Variants in PRKCE observed in about 807,000 individuals in gnomAD.
PRKCE encodes the protein protein kinase C epsilon, also known as protein kinase C epsilon type.
In PRKCE, 16 loss-of-function variants were observed where a neutral mutation model predicts 85.4. The ratio of observed to expected loss-of-function variants is 0.19; its 90% CI spans 0.13 to 0.28. PRKCE has a LOEUF of 0.28. PRKCE is among the 10% of genes least tolerant of loss of function. The probability of loss-of-function intolerance (pLI) is 1.00; values close to 1 mark genes in which losing one functional copy is unlikely to be tolerated. For synonymous variants in PRKCE, 388 were observed against 371.5 expected (o/e 1.04, Z -0.51); for missense variants, 573 against 975.2 (o/e 0.59, Z 5.49).
intron 10 of PRKCE, among the ~76,000 whole-genome samples, chr2:46,023,620 C>G (rs1464923703): frequency 6.6e-6 from 1 of 152,226 alleles, no homozygotes; most frequent in Non-Finnish European, 1.5e-5. Context: ...GGGCTAGCCA[C>G]AAGATTCCAG....
At chr2:45,696,836 C>G (rs1178805895) in intron 1 of PRKCE, among the ~76,000 whole-genome samples, 1 of 152,174 alleles carries the variant, frequency 6.6e-6, no homozygotes, top group African/African-American at 2.4e-5. Flanking sequence ...CACTGCAGAG[C>G]TCAGAGGCTT....
rs376242471 is a variant in PRKCE at position 46,101,673 on chromosome 2, A to C, written c.1592+15311A>C. ...GAACTGAAAGATGATCCTAGTATTTAATAGAATTTCAGAGGTGGGAGAAAA... is the reference window on the plus strand; with the variant it reads ...GAACTGAAAGATGATCCTAGTATTTCATAGAATTTCAGAGGTGGGAGAAAA... On this transcript the variant is annotated intron_variant, in intron 11 of 14. Coordinates refer to ENST00000306156, the MANE Select transcript of PRKCE (RefSeq NM_005400.3). Among the ~76,000 whole-genome samples, 5 of 152,318 alleles carry C rather than the reference A, an allele frequency of 3.3e-5. No homozygotes were observed. The South Asian group carries it at 1.0e-3, about 32-fold the overall frequency.
chr2:45,950,438 A>T (rs112315747), intron 2 of PRKCE, among the ~76,000 whole-genome samples: 24 of 152,332 alleles, frequency 1.6e-4, no homozygotes, highest in African/African-American at 5.3e-4. Flanking sequence ...TTCTGGCAGA[A>T]TTTCAGTTAC....
chr2:45,803,326 G>A (rs1688012032), intron 1 of PRKCE, among the ~76,000 whole-genome samples: 1 of 152,226 alleles, frequency 6.6e-6, no homozygotes, highest in African/African-American at 2.4e-5. Context: ...CTAGAATAAA[G>A]ATTTTGGGTA....
Position 46,062,530 on chromosome 2 carries a change from A to G in PRKCE, c.1438-23678A>G, listed in dbSNP as rs187404267. Among the ~76,000 whole-genome samples, 31 of 152,262 alleles carry G rather than the reference A, an allele frequency of 2.0e-4. No homozygotes were observed. In the East Asian group the frequency reaches 5.8e-3, roughly 28 times the overall value. ...ATGAAGACTAATAGGTAAATAGGAG[A>G]GTTCGACAGAGTGATACCTAAGGGG... On this transcript the variant is annotated intron_variant, in intron 10 of 14. Coordinates refer to ENST00000306156, the MANE Select transcript of PRKCE (RefSeq NM_005400.3).
chr2:45,658,632 A>G (rs960005440), intron 1 of PRKCE, among the ~76,000 whole-genome samples: 3 of 152,222 alleles, frequency 2.0e-5, no homozygotes, highest in Admixed American at 1.3e-4. Flanking sequence ...CAGAGTTGCT[A>G]TGAGAATTAA....
intron 1 of PRKCE, among the ~76,000 whole-genome samples, chr2:45,818,595 G>A (rs1398928964): frequency 6.6e-6 from 1 of 152,170 alleles, no homozygotes; most frequent in Non-Finnish European, 1.5e-5. Flanking sequence ...TTCATCCTCA[G>A]TTTTTCCCAT....
At chr2:45,732,936 A>G (rs1681711287) in intron 1 of PRKCE, among the ~76,000 whole-genome samples, 2 of 152,358 alleles carry the variant, frequency 1.3e-5, no homozygotes, top group African/African-American at 4.8e-5. Flanking sequence ...AGGGTCGACG[A>G]CTTTCTTTAA....
intron 10 of PRKCE, among the ~76,000 whole-genome samples, chr2:46,072,125 A>G (rs764010923): frequency 1.8e-4 from 27 of 152,394 alleles, no homozygotes; most frequent in Non-Finnish European, 3.1e-4. Flanking sequence ...TGGAGATCAA[A>G]GAATTTAATA....
intron 2 of PRKCE, among the ~76,000 whole-genome samples, chr2:45,887,705 C>G (rs1312277354): frequency 6.6e-6 from 1 of 152,178 alleles, no homozygotes; most frequent in Non-Finnish European, 1.5e-5. Flanking sequence ...ATGTCCTGGT[C>G]CTGCCTCCTG....
chr2:45,865,845 TCTCA>T (rs1693560468), intron 2 of PRKCE, among the ~76,000 whole-genome samples: 1 of 145,354 alleles, frequency 6.9e-6, no homozygotes, highest in Admixed American at 7.2e-5. Flanking sequence ...TGAGACGAGT[TCTCA>T]CTCTGTCATC....
At position 46,013,670 on chromosome 2, in the gene PRKCE, T is replaced by G. The variant is rs1371225544; in HGVS notation, c.1437+3153T>G. 2.0e-5 allele frequency among the ~76,000 whole-genome samples: 3 copies of G among 152,216 alleles called. No individual in the cohort carries two copies. In the East Asian group the frequency reaches 5.8e-4, roughly 29 times the overall value. ...ACATTCAGGAACACAAAGACCCGATTGCAATCCTATTAAGATTTCTTTCAT... is the reference window on the plus strand; with the variant it reads ...ACATTCAGGAACACAAAGACCCGATGGCAATCCTATTAAGATTTCTTTCAT... On this transcript the variant is annotated intron_variant, in intron 10 of 14. Coordinates refer to ENST00000306156, the MANE Select transcript of PRKCE (RefSeq NM_005400.3).
chr2:45,730,136 G>T (rs1016413888), intron 1 of PRKCE, among the ~76,000 whole-genome samples: 1 of 152,144 alleles, frequency 6.6e-6, no homozygotes, highest in Non-Finnish European at 1.5e-5. Context: ...TTGAAGAGCC[G>T]TTTGGGGACA....
At chr2:46,101,924 A>G (rs1671278063) in intron 11 of PRKCE, among the ~76,000 whole-genome samples, 1 of 151,712 alleles carries the variant, frequency 6.6e-6, no homozygotes, top group African/African-American at 2.4e-5. Context: ...TTTCTATGGT[A>G]TAAATATTCT....
chr2:46,045,612 C>T (rs1317432584), intron 10 of PRKCE, among the ~76,000 whole-genome samples: 1 of 152,242 alleles, frequency 6.6e-6, no homozygotes, highest in Non-Finnish European at 1.5e-5. Flanking sequence ...GGCATGGTCA[C>T]TCTCGCCTGT....
intron 1 of PRKCE, among the ~76,000 whole-genome samples, chr2:45,659,367 T>C (rs1265739005): frequency 1.3e-5 from 2 of 152,176 alleles, no homozygotes; most frequent in East Asian, 3.8e-4. Context: ...TCAAAATATA[T>C]CTCAGATCAC....
chr2:45,841,301 G>T (rs768997979), intron 1 of PRKCE, among the ~76,000 whole-genome samples: 7 of 152,204 alleles, frequency 4.6e-5, no homozygotes, highest in Non-Finnish European at 8.8e-5. Flanking sequence ...GCCAGTCCGT[G>T]TCCGAAAACC....
intron 10 of PRKCE, among the ~76,000 whole-genome samples, chr2:46,050,034 C>A (rs1708758104): frequency 6.6e-6 from 1 of 152,210 alleles, no homozygotes; most frequent in Admixed American, 6.5e-5. Flanking sequence ...AAAGTTCTTG[C>A]AGAATTGGAG....
At chr2:45,920,908 A>G (rs1698203549) in intron 2 of PRKCE, among the ~76,000 whole-genome samples, 2 of 152,222 alleles carry the variant, frequency 1.3e-5, no homozygotes, top group South Asian at 4.1e-4. Flanking sequence ...GTTTTTAAAG[A>G]AAGTCAACCA....
Sources: allele counts gnomAD v4.1 joint callset (sites outside exome capture counted in the v4.1 genomes callset), GRCh38; gene constraint gnomAD v4.1.1; transcripts MANE v1.5; gene names NCBI Gene and HGNC (gene_info 2026-07-23, HGNC 2026-07-21).